TM4SF4: variants seen among roughly 807,000 people sequenced by gnomAD.
TM4SF4 encodes transmembrane 4 L six family member 4.
Under a neutral mutation model 24.1 loss-of-function variants are expected in TM4SF4, and 24 were observed. That is an observed-to-expected ratio of 1.00 (90% CI 0.72 to 1.40). The LOEUF is 1.40. Among genes scored for constraint, TM4SF4 ranks in the 40% most tolerant of loss-of-function variants. TM4SF4 has a pLI of 0.00. For missense variants in TM4SF4, 254 were observed against 254.2 expected (o/e 1.00, Z 0.01); for synonymous variants, 113 against 97.0 (o/e 1.17, Z -0.97).
Position 149,474,881 on chromosome 3 carries a change from T to G in TM4SF4, c.4T>G (p.Cys2Gly). 1 of 1,611,858 alleles carries G rather than the reference T, an allele frequency of 6.2e-7. No individual in the cohort carries two copies. The highest frequency in any genetic ancestry group is 8.5e-7 in the Non-Finnish European group (1 of 1,179,224). Residue 2 changes from cysteine (C) to glycine (G), a missense_variant, in exon 1 of 5, where the codon TGC becomes GGC. By Grantham distance (159) the Cys-to-Gly change is radical (BLOSUM62 -3). Coordinates refer to ENST00000305354, the MANE Select transcript of TM4SF4 (RefSeq NM_004617.4). The stretch of plus-strand genomic sequence containing the variant: ...ACCTGTGTCGTACCACCCCAGAATG[T>G]GCACTGGGGGCTGTGCCAGATGCCT... MCTGGCARCLGG... is the reference protein window; with the variant it reads MGTGGCARCLGG...
chr3:149,494,507 C>A (rs1292350039), intron 3 of TM4SF4, among the ~76,000 whole-genome samples: 2 of 151,780 alleles, frequency 1.3e-5, no homozygotes, highest in Admixed American at 6.6e-5. Flanking sequence ...TTATAATTAC[C>A]AAGTTTTAAA....
chr3:149,479,011 C>A (rs1226288740), intron 2 of TM4SF4, among the ~76,000 whole-genome samples: 3 of 152,202 alleles, frequency 2.0e-5, no homozygotes, highest in South Asian at 2.1e-4. Flanking sequence ...AGGTGATCTG[C>A]CTGCCTTAAC....
chr3:149,499,017 G>A (rs1486093099), intron 4 of TM4SF4, 106 bp downstream of exon 4: 2 of 1,235,228 alleles, frequency 1.6e-6, no homozygotes, highest in South Asian at 1.5e-5. Context: ...GAATGAGGGG[G>A]TAAGTGTGGC....
chr3:149,481,496 TC>T (rs1318484570), intron 2 of TM4SF4, among the ~76,000 whole-genome samples: 1 of 152,050 alleles, frequency 6.6e-6, no homozygotes, highest in Admixed American at 6.5e-5. Context: ...GACTGCCACT[TC>T]CCCCACTCCC....
intron 2 of TM4SF4, among the ~76,000 whole-genome samples, chr3:149,476,451 CTT>C (rs1227896498): frequency 1.3e-5 from 2 of 150,362 alleles, no homozygotes; most frequent in South Asian, 2.1e-4. Flanking sequence ...TGTTTCCTCT[CTT>C]GTTTCATGCG....
In TM4SF4 at chr3:149,487,734, G is replaced by A. The variant is rs1302087260; in HGVS notation, c.380G>A (p.Trp127Ter). Residue 127 changes from tryptophan to a stop codon, truncating the protein, a stop_gained, in exon 3 of 5, where the codon TGG becomes TAG. Coordinates refer to ENST00000305354, the MANE Select transcript of TM4SF4 (RefSeq NM_004617.4). LOFTEE classifies it high-confidence loss of function. ...GPKCLMANST[W>*]GYPFHDGDYL... ...AAATGCCTCATGGCCAATAGTACAT[G>A]GGGCTACCCCTTCCACGACGGGTAA... The A allele has an allele frequency of 6.2e-7, 1 of 1,613,974 alleles. No homozygotes were observed. Among genetic ancestry groups the A allele is most frequent in the African/African-American group, 1.3e-5 (1 of 75,030 alleles).
intron 3 of TM4SF4, among the ~76,000 whole-genome samples, chr3:149,494,098 C>G (rs1214362742): frequency 8.5e-5 from 13 of 152,188 alleles, no homozygotes; most frequent in Non-Finnish European, 1.9e-4. Context: ...ACTGCCAGGT[C>G]CATGAAAAAC....
At chr3:149,482,385 T>C (rs1734048427) in intron 2 of TM4SF4, among the ~76,000 whole-genome samples, 1 of 152,216 alleles carries the variant, frequency 6.6e-6, no homozygotes, top group Admixed American at 6.5e-5. Context: ...GACTCCCTTA[T>C]CTGATTCCAA....
At position 149,499,119 on chromosome 3, in the gene TM4SF4, G is replaced by T. The variant is rs139938734; in HGVS notation, c.591+208G>T. 2.6e-5 allele frequency among the ~76,000 whole-genome samples: 4 copies of T among 152,286 alleles called. No homozygotes were observed. The South Asian group carries it at 8.3e-4, about 32-fold the overall frequency. ...ACACATTGCATTACTGGAACCCAGA[G>T]CATGTTAAAACACCCAGGCTGAAGT... On this transcript the variant is annotated intron_variant, in intron 4 of 4. Coordinates refer to ENST00000305354, the MANE Select transcript of TM4SF4 (RefSeq NM_004617.4).
chr3:149,499,033 G>A (rs1734368974), intron 4 of TM4SF4, 122 bp downstream of exon 4: 3 of 1,011,224 alleles, frequency 3.0e-6, no homozygotes, highest in South Asian at 1.7e-5. Flanking sequence ...GTGGCCACCT[G>A]CAGAAAACCA....
intron 2 of TM4SF4, among the ~76,000 whole-genome samples, chr3:149,480,534 T>A (rs927912310): frequency 3.3e-5 from 5 of 152,080 alleles, no homozygotes; most frequent in African/African-American, 1.2e-4. Flanking sequence ...CTTGGTCAGG[T>A]CCTAATGCGG....
At chr3:149,492,999 T>G (rs1734240769) in intron 3 of TM4SF4, among the ~76,000 whole-genome samples, 1 of 152,144 alleles carries the variant, frequency 6.6e-6, no homozygotes. Context: ...TCTCTCAGGC[T>G]TCATCTGTGA....
chr3:149,481,883 T>C (rs971525133), intron 2 of TM4SF4, among the ~76,000 whole-genome samples: 3 of 152,270 alleles, frequency 2.0e-5, no homozygotes, highest in Non-Finnish European at 4.4e-5. Context: ...AATTAGCCCG[T>C]TGAATTTTTT....
At chr3:149,477,838 T>C (rs1038402371) in intron 2 of TM4SF4, among the ~76,000 whole-genome samples, 2 of 152,230 alleles carry the variant, frequency 1.3e-5, no homozygotes, top group African/African-American at 2.4e-5. Flanking sequence ...TTATATGTTG[T>C]GAACTTTTGG....
At chr3:149,485,931 TCAGA>T (rs1297733779) in intron 2 of TM4SF4, among the ~76,000 whole-genome samples, 1 of 152,024 alleles carries the variant, frequency 6.6e-6, no homozygotes, top group Non-Finnish European at 1.5e-5. Context: ...ACAAGGAGAG[TCAGA>T]CAAAGCACAT....
At chr3:149,484,260 A>G (rs998717502) in intron 2 of TM4SF4, among the ~76,000 whole-genome samples, 1 of 152,222 alleles carries the variant, frequency 6.6e-6, no homozygotes, top group African/African-American at 2.4e-5. Flanking sequence ...ACCCTTAGTC[A>G]CAAATATCAA....
intron 4 of TM4SF4, among the ~76,000 whole-genome samples, chr3:149,500,172 T>G (rs1734393333): frequency 6.6e-6 from 1 of 152,088 alleles, no homozygotes; most frequent in Non-Finnish European, 1.5e-5. Context: ...TATGAGATAC[T>G]GTTATTAGCA....
intron 2 of TM4SF4, among the ~76,000 whole-genome samples, chr3:149,477,609 T>C (rs938735950): frequency 8.5e-5 from 13 of 152,198 alleles, no homozygotes; most frequent in African/African-American, 3.1e-4. Context: ...TCCATGTGAG[T>C]TCAAAGGTCA....
At chr3:149,498,397 G>A (rs1734353112) in intron 3 of TM4SF4, among the ~76,000 whole-genome samples, 1 of 152,192 alleles carries the variant, frequency 6.6e-6, no homozygotes, top group Non-Finnish European at 1.5e-5. Flanking sequence ...TGTTCTGCCA[G>A]TTCTGTGACC....
Sources: gnomAD v4.1 joint callset for allele counts (sites outside exome capture counted in the v4.1 genomes callset) on GRCh38, gnomAD v4.1.1 for gene constraint, MANE v1.5 for transcripts, NCBI Gene and HGNC (gene_info 2026-07-23, HGNC 2026-07-21) for gene names.